TMEM204: variants seen among roughly 807,000 people sequenced by gnomAD.
TMEM204 encodes the protein transmembrane protein 204.
TMEM204 carries 15 observed loss-of-function variants against 19.4 expected under a neutral mutation model. The observed-to-expected ratio is 0.77, with a 90% CI of 0.52 to 1.19. The LOEUF is 1.19. Among genes scored for constraint, TMEM204 ranks in the 50% most tolerant of loss-of-function variants. The pLI is 0.00. For synonymous variants in TMEM204, 161 were observed against 146.0 expected (o/e 1.10, Z -0.74); for missense variants, 287 against 321.2 (o/e 0.89, Z 0.81).
At chr16:1,536,075 G>A (rs577418337) in intron 1 of TMEM204, among the ~76,000 whole-genome samples, 6 of 152,226 alleles carry the variant, frequency 3.9e-5, no homozygotes, top group Admixed American at 1.3e-4. Context: ...CATCACTGGC[G>A]TCCAGCCCAC....
chr16:1,541,454 A>G, intron 1 of TMEM204: 1 of 985,356 alleles, frequency 1.0e-6, no homozygotes, highest in Non-Finnish European at 1.2e-6. Context: ...AGCACGCAGG[A>G]CAGCACGCCT....
chr16:1,548,220 G>A (rs1488788394), intron 2 of TMEM204, among the ~76,000 whole-genome samples: 3 of 152,228 alleles, frequency 2.0e-5, no homozygotes, highest in African/African-American at 4.8e-5. Context: ...GCTCCGCATA[G>A]ATTCTCTTTA....
At chr16:1,544,286 C>A (rs1669186438) in intron 2 of TMEM204, among the ~76,000 whole-genome samples, 1 of 151,890 alleles carries the variant, frequency 6.6e-6, no homozygotes, top group African/African-American at 2.4e-5. Context: ...CGGGTTCACG[C>A]CATTCTCCTG....
intron 1 of TMEM204, chr16:1,541,647 G>T: frequency 2.9e-6 from 1 of 347,826 alleles, no homozygotes; most frequent in Non-Finnish European, 4.0e-6. Flanking sequence ...GACAGAAATA[G>T]CAGAGTAGGG....
chr16:1,539,006 C>T (rs1286705434), intron 1 of TMEM204, among the ~76,000 whole-genome samples: 20 of 150,872 alleles, frequency 1.3e-4, no homozygotes, highest in Admixed American at 9.2e-4. Flanking sequence ...CGGTGCCACG[C>T]GGCCCCCCAC....
Position 1,553,052 on chromosome 16 carries a change from G to A in TMEM204, c.437-1730G>A. 1 of 985,432 alleles carries A rather than the reference G, an allele frequency of 1.0e-6. No individual in the cohort carries two copies. The highest frequency in any genetic ancestry group is 5.2e-4 in the Middle Eastern group (1 of 1,914). The allele number at this position is 985,432 out of a possible 1,614,324, so 61.0% of individuals were successfully genotyped here. Reference sequence around the variant, plus strand: ...AGAATGAACACAGAAACCAGTCACTGTCATTGTTCAGGACAAAATGGAGAT... The same window carrying A: ...AGAATGAACACAGAAACCAGTCACTATCATTGTTCAGGACAAAATGGAGAT... On this transcript the variant is annotated intron_variant, in intron 2 of 2. Coordinates refer to ENST00000566264, the MANE Select transcript of TMEM204 (RefSeq NM_024600.6). This position sits in a 1 kb window ranked among gnomAD's most constrained non-coding sequence, Gnocchi z 4.4.
chr16:1,542,627 C>T (rs184902567), intron 2 of TMEM204, among the ~76,000 whole-genome samples: 7 of 152,396 alleles, frequency 4.6e-5, no homozygotes, highest in South Asian at 2.1e-4. Flanking sequence ...AGGCCCTTTC[C>T]GTGAGCGGGA....
chr16:1,541,243 G>C lies in TMEM204; in HGVS notation c.281-678G>C, dbSNP rs2031603443. On this transcript the variant is annotated intron_variant, in intron 1 of 2. Transcript: ENST00000566264. Reference sequence around the variant, plus strand: ...CCCTGACTTAAGCCACTGAGTGAAAGATTTGTGGCAGATGGGGTGACGGGG... The same window carrying C: ...CCCTGACTTAAGCCACTGAGTGAAACATTTGTGGCAGATGGGGTGACGGGG... The C allele has an allele frequency of 3.0e-6, 3 of 985,332 alleles. No homozygotes were observed. The African/African-American group carries it at 5.2e-5, about 17-fold the overall frequency. The allele number at this position is 985,332 out of a possible 1,614,324, so 61.0% of individuals were successfully genotyped here. A position where few individuals can be genotyped will look rare whatever the true frequency, so the allele number is the denominator to read the frequency against.
At position 1,553,977 on chromosome 16, in the gene TMEM204, C is replaced by G. The variant is rs973893964; in HGVS notation, c.437-805C>G. On this transcript the variant is annotated intron_variant, in intron 2 of 2. Transcript: ENST00000566264. This position sits in a 1 kb window ranked among gnomAD's most constrained non-coding sequence, Gnocchi z 4.4. ...ACTGTAGCATCAGCGACTAACTAGACGGGAACAAGCTGCGCCAACCAAGGG... is the reference window on the plus strand; with the variant it reads ...ACTGTAGCATCAGCGACTAACTAGAGGGGAACAAGCTGCGCCAACCAAGGG... The G allele has an allele frequency of 1.6e-6, 2 of 1,287,090 alleles. No homozygotes were observed. Among genetic ancestry groups the G allele is most frequent in the Non-Finnish European group, 2.0e-6 (2 of 988,688 alleles). 79.7% of individuals were successfully genotyped at this position (1,287,090 alleles called of 1,614,324 possible). A position where few individuals can be genotyped will look rare whatever the true frequency, so the allele number is the denominator to read the frequency against.
rs1359214000 is a variant in TMEM204 at position 1,551,238 on chromosome 16, G to C, written c.437-3544G>C. 6.6e-6 allele frequency among the ~76,000 whole-genome samples: 1 copy of C among 152,232 alleles called. No homozygotes were observed. Among genetic ancestry groups the C allele is most frequent in the East Asian group, 1.9e-4 (1 of 5,198 alleles). On this transcript the variant is annotated intron_variant, in intron 2 of 2. Transcript: ENST00000566264. This position sits in a 1 kb window ranked among gnomAD's most constrained non-coding sequence, Gnocchi z 4.0. ...GGGGAGCCTGCCCTGTGGCGGGGGA[G>C]AGCGGCCAGAGCCACCCATGGGTAA...
At chr16:1,550,434 A>G (rs2032540280) in intron 2 of TMEM204, among the ~76,000 whole-genome samples, 1 of 152,258 alleles carries the variant, frequency 6.6e-6, no homozygotes, top group South Asian at 2.1e-4. Context: ...AAAATAAGTA[A>G]AACTCCTTTG....
chr16:1,533,122 A>G (rs1199702105), upstream of TMEM204: 2 of 150,538 alleles, frequency 1.3e-5, no homozygotes, highest in South Asian at 2.1e-4. The surrounding 1 kb of genome is among the most constrained non-coding windows in gnomAD (Gnocchi z 4.7). Context: ...CTCCAAGTAC[A>G]GGTCCCTGGC....
chr16:1,538,890 T>C (rs564041674), intron 1 of TMEM204, among the ~76,000 whole-genome samples: 1 of 152,268 alleles, frequency 6.6e-6, no homozygotes, highest in East Asian at 1.9e-4. Context: ...GCCAGGGCAG[T>C]GTCTGCCTCA....
At position 1,537,853 on chromosome 16, in the gene TMEM204, G is replaced by A. The variant is rs181483443; in HGVS notation, c.280+3298G>A. On this transcript the variant is annotated intron_variant, in intron 1 of 2. Transcript: ENST00000566264. ...CCACCCCTCTCTCCGGTGGCTCCAC[G>A]TGGCTCCGTCACCACGCATGCCCCG... is the stretch of plus-strand genomic sequence containing the variant. 7.8e-4 allele frequency among the ~76,000 whole-genome samples: 119 copies of A among 152,312 alleles called. 1 individual carries two copies. The highest frequency in any genetic ancestry group is 2.7e-3 in the African/African-American group (112 of 41,568).
intron 2 of TMEM204, among the ~76,000 whole-genome samples, chr16:1,542,301 T>A (rs555389134): frequency 2.6e-5 from 4 of 152,344 alleles, no homozygotes; most frequent in African/African-American, 9.6e-5. Context: ...GCAGGGAGGC[T>A]GCGACCACCT....
At chr16:1,550,709 T>A (rs1462036115) in intron 2 of TMEM204, among the ~76,000 whole-genome samples, 2 of 152,214 alleles carry the variant, frequency 1.3e-5, no homozygotes, top group Non-Finnish European at 2.9e-5. Flanking sequence ...CTGGAGAGCC[T>A]TCCCTGCAAG....
intron 2 of TMEM204, among the ~76,000 whole-genome samples, chr16:1,548,453 C>T (rs755404909): frequency 9.2e-5 from 14 of 152,214 alleles, no homozygotes; most frequent in African/African-American, 9.6e-5. Flanking sequence ...GGGCGGCTCA[C>T]AGGAAGAGGT....
intron 1 of TMEM204, among the ~76,000 whole-genome samples, chr16:1,536,459 C>T (rs1314950375): frequency 2.6e-5 from 4 of 152,216 alleles, no homozygotes; most frequent in African/African-American, 4.8e-5. Flanking sequence ...TTTACAACAT[C>T]CTCCTGCAAC....
intron 2 of TMEM204, among the ~76,000 whole-genome samples, chr16:1,544,215 ACT>A (rs1374951396): frequency 1.6e-5 from 2 of 122,540 alleles, no homozygotes; most frequent in African/African-American, 6.3e-5. Context: ...ACGAAGTCTC[ACT>A]CTGTCACCCA....
Sources: gnomAD v4.1 joint callset for allele counts (sites outside exome capture counted in the v4.1 genomes callset) on GRCh38, gnomAD v4.1.1 for gene constraint, Gnocchi (gnomAD v3.1) non-coding constraint, MANE v1.5 for transcripts, NCBI Gene and HGNC (gene_info 2026-07-23, HGNC 2026-07-21) for gene names.